EPHA3: variants seen among roughly 807,000 people sequenced by gnomAD.
EPHA3 encodes the protein ephrin type-A receptor 3.
In EPHA3, 42 loss-of-function variants were observed where a neutral mutation model predicts 107.1. That is an observed-to-expected ratio of 0.39 (90% CI 0.31 to 0.51). The LOEUF (loss-of-function observed/expected upper bound fraction) is 0.51. EPHA3 is among the 20% of genes least tolerant of loss of function. The pLI is 0.78. For missense variants in EPHA3, 1,183 were observed against 1,211.2 expected (o/e 0.98, Z 0.35); for synonymous variants, 461 against 424.8 (o/e 1.09, Z -1.05).
chr3:89,307,146 A>G (rs1706643574), intron 3 of EPHA3, among the ~76,000 whole-genome samples: 1 of 152,194 alleles, frequency 6.6e-6, no homozygotes, highest in Non-Finnish European at 1.5e-5. Context: ...TTTCAAAGCT[A>G]GTTCTCTAAA....
intron 7 of EPHA3, among the ~76,000 whole-genome samples, chr3:89,406,951 GT>G (rs1253707028): frequency 3.3e-5 from 5 of 152,058 alleles, no homozygotes; most frequent in African/African-American, 7.2e-5. Flanking sequence ...CATTCAACGA[GT>G]TTTTTGCCAT....
chr3:89,262,963 C>A (rs202132080), intron 3 of EPHA3, among the ~76,000 whole-genome samples: 2 of 97,474 alleles, frequency 2.1e-5, no homozygotes, highest in East Asian at 6.3e-4. Context: ...TTACAGCGCT[C>A]TTTTTTTTTT....
intron 3 of EPHA3, among the ~76,000 whole-genome samples, chr3:89,231,990 C>T (rs191904851): frequency 6.6e-6 from 1 of 152,140 alleles, no homozygotes; most frequent in East Asian, 1.9e-4. Flanking sequence ...CCTCCAAGTG[C>T]AGGGCAGGAC....
At chr3:89,191,052 T>C (rs7637578) in intron 2 of EPHA3, among the ~76,000 whole-genome samples, 1 of 152,014 alleles carries the variant, frequency 6.6e-6, no homozygotes, top group Non-Finnish European at 1.5e-5. Flanking sequence ...CATTTTATTC[T>C]TTTTATTGGA....
At chr3:89,179,855 C>G (rs1705403004) in intron 2 of EPHA3, among the ~76,000 whole-genome samples, 1 of 151,776 alleles carries the variant, frequency 6.6e-6, no homozygotes, top group Admixed American at 6.6e-5. Context: ...GTGAAAAACC[C>G]TCTCATGTGT....
intron 5 of EPHA3, among the ~76,000 whole-genome samples, chr3:89,360,506 G>T (rs963175380): frequency 2.7e-5 from 4 of 150,906 alleles, no homozygotes; most frequent in African/African-American, 9.7e-5. Flanking sequence ...CAAAGCTGTT[G>T]GAGTCATTTG....
Position 89,349,778 on chromosome 3 carries a change from C to T in EPHA3, c.1306+7688C>T, listed in dbSNP as rs1164824315. The stretch of plus-strand genomic sequence containing the variant: ...ACCAGTTGTTCCTTTCCATGTTTAG[C>T]GCTTCCTTCAGGAGCTCTTTTAGGG... On this transcript the variant is annotated intron_variant, in intron 5 of 16. Coordinates refer to ENST00000336596, the MANE Select transcript of EPHA3 (RefSeq NM_005233.6). Among the ~76,000 whole-genome samples the T allele has an allele frequency of 1.2e-4, 18 of 150,006 alleles. No individual in the cohort carries two copies. The East Asian group carries it at 2.0e-3, about 16-fold the overall frequency.
At chr3:89,450,437 A>AT in intron 15 of EPHA3, 67 bp downstream of exon 15, 1 of 1,508,138 alleles carries the variant, frequency 6.6e-7, no homozygotes. Context: ...CAAGATGTTA[A>AT]TTTTTTTAGC....
At chr3:89,392,644 A>T (rs1382209830) in intron 5 of EPHA3, among the ~76,000 whole-genome samples, 1 of 151,998 alleles carries the variant, frequency 6.6e-6, no homozygotes, top group Non-Finnish European at 1.5e-5. Context: ...CAAATTGCAA[A>T]TTTAAAAAAC....
chr3:89,322,126 G>T (rs1576310811), intron 3 of EPHA3, among the ~76,000 whole-genome samples: 1 of 151,448 alleles, frequency 6.6e-6, no homozygotes. Context: ...ACACACAGAG[G>T]GGGGTTGGAG....
intron 5 of EPHA3, among the ~76,000 whole-genome samples, chr3:89,379,332 T>C (rs1032515439): frequency 1.3e-5 from 2 of 152,208 alleles, no homozygotes; most frequent in Admixed American, 6.5e-5. Context: ...TGATTGCTTT[T>C]GGAAACTGTA....
chr3:89,380,936 T>G (rs1708490952), intron 5 of EPHA3, among the ~76,000 whole-genome samples: 1 of 152,072 alleles, frequency 6.6e-6, no homozygotes, highest in Non-Finnish European at 1.5e-5. Context: ...TCCCGGCTAA[T>G]AGTAGTAGCT....
intron 2 of EPHA3, among the ~76,000 whole-genome samples, chr3:89,176,497 T>TAAAA (rs55877149): frequency 2.0e-5 from 2 of 100,566 alleles, no homozygotes; most frequent in African/African-American, 7.6e-5. Flanking sequence ...ATTCCATCTC[T>TAAAA]AAAAAAAAAA....
intron 5 of EPHA3, among the ~76,000 whole-genome samples, chr3:89,385,153 A>C (rs1576349850): frequency 6.6e-6 from 1 of 152,228 alleles, no homozygotes; most frequent in East Asian, 1.9e-4. Flanking sequence ...ATTATGAAAA[A>C]AAATTATTTG....
In EPHA3 at chr3:89,208,470, GA is replaced by G. The variant is rs1420756121; in HGVS notation, c.154-1387del. Among the ~76,000 whole-genome samples the G allele has an allele frequency of 1.1e-3, 145 of 129,070 alleles. 5 individuals are homozygous for G. The highest frequency in any genetic ancestry group is 1.3e-3 in the Non-Finnish European group (82 of 61,454). 84.7% of individuals were successfully genotyped at this position (129,070 alleles called of 152,430 possible). On this transcript the variant is annotated intron_variant, in intron 2 of 16. Coordinates refer to ENST00000336596, the MANE Select transcript of EPHA3 (RefSeq NM_005233.6). ...AGAAAGAAAGAAAGAAAGAAAGAAAGAAAGAAAGAAAGAGAAAAAGAAAGGA... is the reference window on the plus strand; with the variant it reads ...AGAAAGAAAGAAAGAAAGAAAGAAAGAAGAAAGAAAGAGAAAAAGAAAGGA...
chr3:89,113,897 G>A (rs1214571748), intron 1 of EPHA3, among the ~76,000 whole-genome samples: 1 of 152,084 alleles, frequency 6.6e-6, no homozygotes, highest in African/African-American at 2.4e-5. Flanking sequence ...GTGGAGGGGT[G>A]GACAGAATCA....
At chr3:89,479,275 A>G (rs1710579146) in intron 16 of EPHA3, 122 bp from the exon 17 acceptor site, 12 of 745,780 alleles carry the variant, frequency 1.6e-5, no homozygotes, top group Non-Finnish European at 2.5e-5. Context: ...AGATGATGCA[A>G]ATATCAGACA....
chr3:89,350,322 ATTC>A (rs1707779369), intron 5 of EPHA3, among the ~76,000 whole-genome samples: 1 of 132,056 alleles, frequency 7.6e-6, no homozygotes, highest in African/African-American at 2.8e-5. Flanking sequence ...ATTTCTTTTT[ATTC>A]TTTTTTCTCT....
At chr3:89,448,005 A>T (rs1196644405) in intron 13 of EPHA3, among the ~76,000 whole-genome samples, 1 of 152,120 alleles carries the variant, frequency 6.6e-6, no homozygotes, top group Non-Finnish European at 1.5e-5. Flanking sequence ...TGAAATATCC[A>T]TCCCTTTTTT....
Sources: gnomAD v4.1 joint callset for allele counts (sites outside exome capture counted in the v4.1 genomes callset) on GRCh38, gnomAD v4.1.1 for gene constraint, MANE v1.5 for transcripts, NCBI Gene and HGNC (gene_info 2026-07-23, HGNC 2026-07-21) for gene names.